The following TPPP variants were observed in gnomAD, a reference collection of about 807,000 sequenced individuals.
The protein encoded by TPPP is tubulin polymerization promoting protein.
In TPPP, 6 loss-of-function variants were observed where a neutral mutation model predicts 15.5. That is an observed-to-expected ratio of 0.39 (90% CI 0.21 to 0.77). The LOEUF is 0.77. Among genes scored for constraint, TPPP ranks in the 30% least tolerant of loss-of-function variants. TPPP has a pLI of 0.42. For synonymous variants in TPPP, 146 were observed against 133.9 expected (o/e 1.09, Z -0.63); for missense variants, 269 against 307.2 (o/e 0.88, Z 0.93).
At chr5:679,513 TTGTC>T (rs1325230123) in intron 1 of TPPP, among the ~76,000 whole-genome samples, 9 of 151,864 alleles carry the variant, frequency 5.9e-5, no homozygotes, top group African/African-American at 9.7e-5. Context: ...CACCATTTCT[TTGTC>T]TGAAACAGGA....
intron 1 of TPPP, among the ~76,000 whole-genome samples, chr5:686,511 C>T (rs1378394989): frequency 6.7e-6 from 1 of 150,344 alleles, no homozygotes; most frequent in Admixed American, 6.6e-5. Flanking sequence ...ACTCACTGCC[C>T]TTGGGTTACC....
At chr5:684,167 G>A (rs922110388) in intron 1 of TPPP, among the ~76,000 whole-genome samples, 3 of 152,220 alleles carry the variant, frequency 2.0e-5, no homozygotes, top group African/African-American at 4.8e-5. Context: ...CCTTGACGCC[G>A]AAGCCCTGGG....
At chr5:679,656 G>C (rs1428317757) in intron 1 of TPPP, among the ~76,000 whole-genome samples, 2 of 152,026 alleles carry the variant, frequency 1.3e-5, no homozygotes, top group Non-Finnish European at 2.9e-5. Context: ...TGGTGGGTGT[G>C]CGGGTCAGAG....
intron 1 of TPPP, among the ~76,000 whole-genome samples, chr5:681,936 G>A (rs945015922): frequency 1.9e-4 from 29 of 152,198 alleles, no homozygotes; most frequent in African/African-American, 6.3e-4. Context: ...CCAAGGACTC[G>A]GCCACCTAGG....
upstream of TPPP, among the ~76,000 whole-genome samples, chr5:695,663 C>T (rs1366260819): frequency 7.9e-5 from 12 of 151,808 alleles, no homozygotes; most frequent in African/African-American, 2.7e-4. Context: ...CACCTCTGCC[C>T]CTGTCCTCAC....
intron 2 of TPPP, among the ~76,000 whole-genome samples, chr5:666,357 G>C (rs1199005028): frequency 6.6e-6 from 1 of 152,242 alleles, no homozygotes; most frequent in Non-Finnish European, 1.5e-5. Flanking sequence ...TCTGACACAG[G>C]GTGTGTGCGG....
At chr5:686,407 C>T (rs572379881) in intron 1 of TPPP, among the ~76,000 whole-genome samples, 83 of 152,248 alleles carry the variant, frequency 5.5e-4, no homozygotes, top group African/African-American at 1.9e-3. Flanking sequence ...GAGCAGGTTA[C>T]AGAACACTGC....
intron 1 of TPPP, among the ~76,000 whole-genome samples, chr5:684,251 C>T (rs1740706911): frequency 6.6e-6 from 1 of 152,214 alleles, no homozygotes; most frequent in Non-Finnish European, 1.5e-5. Context: ...CGGAGGGGAT[C>T]GGGACCAGGG....
At chr5:677,578 C>A (rs1740491609) in intron 2 of TPPP, among the ~76,000 whole-genome samples, 172 bp downstream of exon 2, 1 of 152,122 alleles carries the variant, frequency 6.6e-6, no homozygotes, top group Non-Finnish European at 1.5e-5. Flanking sequence ...CCCTGGGGGC[C>A]CAGATGGCAC....
intron 1 of TPPP, among the ~76,000 whole-genome samples, chr5:684,944 C>T (rs551440468): frequency 3.6e-4 from 55 of 152,332 alleles, no homozygotes; most frequent in African/African-American, 5.8e-4. Flanking sequence ...AGCATCCCCA[C>T]GGCACACTCG....
rs543800789 is a variant in TPPP at position 677,872 on chromosome 5, G to A, written c.189C>T (p.Asp63=). Residue 63 remains aspartate, a synonymous_variant, in exon 2 of 4, where the codon GAC becomes GAT. Transcript: ENST00000360578. ...EAFRRFAVHG[D]ARATGREMHG... ...GCATCTCCCTCCCGGTGGCCCTGGC[G>A]TCCCCGTGCACGGCAAAGCGCCGGA... is the stretch of plus-strand genomic sequence containing the variant. 1.1e-4 allele frequency: 178 copies of A among 1,612,754 alleles called. 1 individual carries two copies. In the South Asian group the frequency reaches 1.5e-3, roughly 14 times the overall value.
intron 1 of TPPP, among the ~76,000 whole-genome samples, chr5:681,238 C>T: frequency 6.6e-6 from 1 of 152,198 alleles, no homozygotes; most frequent in Admixed American, 6.5e-5. Context: ...CCATTTCCCC[C>T]AGAGGCTCTG....
chr5:687,084 C>T lies in TPPP; in HGVS notation c.-5+6194G>A, dbSNP rs1232362756. Among the ~76,000 whole-genome samples the T allele has an allele frequency of 3.1e-5, 4 of 127,396 alleles. 2 individuals are homozygous for T. The highest frequency in any genetic ancestry group is 7.3e-5 in the Non-Finnish European group (4 of 54,906). The allele number at this position is 127,396 out of a possible 152,430, so 83.6% of individuals were successfully genotyped here. On this transcript the variant is annotated intron_variant, in intron 1 of 3. Coordinates refer to ENST00000360578, the MANE Select transcript of TPPP (RefSeq NM_007030.3). ...ACGGACTAACACAGTCGCCATGAGGCCGGGGCTGCAGTGACGCAGCCACAC... is the reference window on the plus strand; with the variant it reads ...ACGGACTAACACAGTCGCCATGAGGTCGGGGCTGCAGTGACGCAGCCACAC...
intron 2 of TPPP, among the ~76,000 whole-genome samples, chr5:670,977 G>A (rs905360392): frequency 3.9e-5 from 6 of 152,324 alleles, no homozygotes; most frequent in South Asian, 2.1e-4. Flanking sequence ...GGATGGCAAC[G>A]TCCACTGGGC....
intron 2 of TPPP, among the ~76,000 whole-genome samples, chr5:669,657 C>T (rs561738534): frequency 2.0e-5 from 3 of 152,212 alleles, no homozygotes; most frequent in East Asian, 1.9e-4. Context: ...AGTCACTCGG[C>T]GGGAGGGGGA....
chr5:699,214 A>G, the TPPP span, among the ~76,000 whole-genome samples: 1 of 152,244 alleles, frequency 6.6e-6, no homozygotes, highest in African/African-American at 2.4e-5. Context: ...AGTTTCAGGC[A>G]TCACATTACC....
the TPPP span, among the ~76,000 whole-genome samples, chr5:698,744 G>T: frequency 6.6e-6 from 1 of 151,942 alleles, no homozygotes; most frequent in Non-Finnish European, 1.5e-5. Flanking sequence ...TTCAAGATGA[G>T]ATTTGGGTGC....
At chr5:665,649 AC>A (rs1375998547) in intron 3 of TPPP, among the ~76,000 whole-genome samples, 10 of 76,906 alleles carry the variant, frequency 1.3e-4, no homozygotes, top group Non-Finnish European at 2.7e-4. Flanking sequence ...CCTCCCCAGG[AC>A]CCCCCCAGGC....
At chr5:685,793 T>C (rs547303948) in intron 1 of TPPP, among the ~76,000 whole-genome samples, 2 of 152,172 alleles carry the variant, frequency 1.3e-5, no homozygotes, top group South Asian at 4.2e-4. Flanking sequence ...GGTGTAGGGA[T>C]GAGAAGGCGG....
Sources: gnomAD v4.1 joint callset for allele counts (sites outside exome capture counted in the v4.1 genomes callset) on GRCh38, gnomAD v4.1.1 for gene constraint, MANE v1.5 for transcripts, NCBI Gene and HGNC (gene_info 2026-07-23, HGNC 2026-07-21) for gene names.